The following TMEM94 variants were observed in gnomAD, a reference collection of about 807,000 sequenced individuals.
The protein encoded by TMEM94 is transmembrane protein 94, also known as ER Mg2+ ATPase.
Under a neutral mutation model 158.6 loss-of-function variants are expected in TMEM94, and 81 were observed. The ratio of observed to expected loss-of-function variants is 0.51; its 90% confidence interval spans 0.43 to 0.61. The LOEUF is 0.61. Ranked by LOEUF, TMEM94 falls within the 20% of genes least tolerant of loss-of-function variation. The pLI is 0.00. For synonymous variants in TMEM94, 751 were observed against 730.7 expected (o/e 1.03, Z -0.45); for missense variants, 1,435 against 1,762.0 (o/e 0.81, Z 3.32).
At chr17:75,467,285 T>C (rs2050339232) in intron 1 of TMEM94, among the ~76,000 whole-genome samples, 1 of 151,850 alleles carries the variant, frequency 6.6e-6, no homozygotes, top group Non-Finnish European at 1.5e-5. Context: ...ATGCTGTTTT[T>C]ATACTATTAT....
intron 26 of TMEM94, among the ~76,000 whole-genome samples, 169 bp downstream of exon 26, chr17:75,497,367 T>C (rs886449419): frequency 2.7e-5 from 4 of 145,676 alleles, no homozygotes; most frequent in Non-Finnish European, 4.5e-5. Context: ...TTTTTTTTTT[T>C]TTTTGAGATG....
chr17:75,491,974 C>A lies in TMEM94; in HGVS notation c.1596+74C>A. On this transcript the variant is annotated intron_variant, in intron 14 of 31. Coordinates refer to ENST00000314256, the MANE Select transcript of TMEM94 (RefSeq NM_014738.6). The surrounding 1 kb of genome is among the most constrained non-coding windows in gnomAD (Gnocchi z 5.1). ...GTCCTGGCCTCCCTGGCCAGCCTGG[C>A]CTCACAAGGTCTGAAAGAGCAGGCG... 1 of 1,430,166 alleles carries A rather than the reference C, an allele frequency of 7.0e-7. No individual in the cohort carries two copies. Among genetic ancestry groups the A allele is most frequent in the Non-Finnish European group, 9.6e-7 (1 of 1,039,742 alleles). The allele number at this position is 1,430,166 out of a possible 1,614,324, so 88.6% of individuals were successfully genotyped here.
chr17:75,468,748 T>A (rs2050393749), intron 1 of TMEM94, among the ~76,000 whole-genome samples: 3 of 152,182 alleles, frequency 2.0e-5, no homozygotes, highest in Admixed American at 2.0e-4. Flanking sequence ...GTGGAGTTGG[T>A]GGCAGAACCT....
chr17:75,480,153 C>G (rs186113914), intron 2 of TMEM94, among the ~76,000 whole-genome samples: 2 of 151,870 alleles, frequency 1.3e-5, no homozygotes, highest in Non-Finnish European at 2.9e-5. Context: ...TTAATTTCGA[C>G]CCCCTGCTGG....
chr17:75,490,036 G>A (rs909382465), intron 9 of TMEM94, 198 bp from the exon 10 acceptor site: 33 of 686,016 alleles, frequency 4.8e-5, no homozygotes, highest in African/African-American at 4.8e-4. Flanking sequence ...CCGAGATCAC[G>A]CCACTGCCCT....
At chr17:75,465,679 A>ATTTATTTTTTTTTTTTTTTTTTTTT (rs2050285437) in intron 1 of TMEM94, among the ~76,000 whole-genome samples, 1 of 124,848 alleles carries the variant, frequency 8.0e-6, no homozygotes, top group African/African-American at 3.5e-5. Context: ...ATATATATAT[A>ATTTATTTTTTTTTTTTTTTTTTTTT]TTTTTTTTTA....
chr17:75,464,616 TTTCTTTCC>T (rs1302048192), intron 1 of TMEM94, among the ~76,000 whole-genome samples: 4 of 94,706 alleles, frequency 4.2e-5, no homozygotes, highest in African/African-American at 1.5e-4. Flanking sequence ...CCTTCCTTTC[TTTCTTTCC>T]TTCCTTCCTT....
At chr17:75,480,034 C>T (rs1447026050) in intron 2 of TMEM94, among the ~76,000 whole-genome samples, 7 of 150,874 alleles carry the variant, frequency 4.6e-5, no homozygotes, top group Non-Finnish European at 7.4e-5. Context: ...TGCAGGGAGC[C>T]GAGATTGTGC....
chr17:75,491,445 G>T lies in TMEM94; in HGVS notation c.1376G>T (p.Cys459Phe), dbSNP rs1212116096. The change falls in exon 13 of 32, where the codon TGC (cysteine) becomes TTC (phenylalanine). Residue 459 changes from cysteine (C) to phenylalanine (F), a missense_variant. Around this residue, in one of 3 missense-constraint regions of TMEM94, gnomAD observed 1,051 missense variants for 1,254.4 expected, o/e 0.84. Transcript: ENST00000314256. This position sits in a 1 kb window ranked among gnomAD's most constrained non-coding sequence, Gnocchi z 5.1. ...GATGGCCTATCCACCCGCTCCTTCT[G>T]CCATCCCGAGGTAGAGGAGGAGGTA... ...LTDGLSTRSF[C>F]HPEPHERDAL... 6.2e-7 allele frequency: 1 copy of T among 1,614,118 alleles called. No homozygotes were observed. Among genetic ancestry groups the T allele is most frequent in the Non-Finnish European group, 8.5e-7 (1 of 1,180,020 alleles).
In TMEM94 at chr17:75,490,236, G is replaced by A; in HGVS notation, c.957G>A (p.Val319=). The A allele has an allele frequency of 6.2e-7, 1 of 1,614,044 alleles. No individual in the cohort carries two copies. Among genetic ancestry groups the A allele is most frequent in the South Asian group, 1.1e-5 (1 of 91,086 alleles). Residue 319 remains valine, a splice_region_variant and synonymous_variant, in exon 10 of 32, where the codon GTG becomes GTA. Transcript: ENST00000314256. ...CTGTGTGGTCCGCTCCTTCCCAGGT[G>A]AATGGCGTCCTGCCCATCCTCCCCC... ...SWQYTLLQLQ[V]NGVLPILPLL...
chr17:75,485,560 C>T lies in TMEM94; in HGVS notation c.144+13C>T, dbSNP rs1284976117. ...TCTGACGTGGAAGGTGAAGCTTCTTCTCGGGGCTACCAGGGCCTGGCTGGG... is the reference window on the plus strand; with the variant it reads ...TCTGACGTGGAAGGTGAAGCTTCTTTTCGGGGCTACCAGGGCCTGGCTGGG... On this transcript the variant is annotated intron_variant, in intron 3 of 31. Transcript: ENST00000314256. The surrounding 1 kb of genome is among the most constrained non-coding windows in gnomAD (Gnocchi z 5.5). 4 of 1,613,976 alleles carry T rather than the reference C, an allele frequency of 2.5e-6. No individual in the cohort carries two copies. Among genetic ancestry groups the T allele is most frequent in the South Asian group, 1.1e-5 (1 of 91,082 alleles).
intron 1 of TMEM94, among the ~76,000 whole-genome samples, chr17:75,461,662 G>A (rs1359668916): frequency 2.0e-5 from 3 of 151,744 alleles, no homozygotes; most frequent in Non-Finnish European, 4.4e-5. Flanking sequence ...AGTGGCTCAC[G>A]CCTGTAATCC....
chr17:75,489,310 A>T lies in TMEM94; in HGVS notation c.809A>T (p.Asp270Val). ...CTGTCCCGACCAGTCACTGCCCTGGACAATGAGCGGTTCACAGTGCAGTCG... is the reference window on the plus strand; with the variant it reads ...CTGTCCCGACCAGTCACTGCCCTGGTCAATGAGCGGTTCACAGTGCAGTCG... Reference protein sequence around the residue: ...MALSRPVTALDNERFTVQSVM... With the variant: ...MALSRPVTALVNERFTVQSVM... Residue 270 changes from aspartate to valine, a missense_variant, in exon 8 of 32, where the codon GAC becomes GTC. Transcript: ENST00000314256. This position sits in a 1 kb window ranked among gnomAD's most constrained non-coding sequence, Gnocchi z 5.0. The T allele has an allele frequency of 6.2e-7, 1 of 1,614,226 alleles. No individual in the cohort carries two copies. Among genetic ancestry groups the T allele is most frequent in the Admixed American group, 1.7e-5 (1 of 60,026 alleles).
intron 2 of TMEM94, among the ~76,000 whole-genome samples, chr17:75,482,714 C>T (rs1042574738): frequency 2.0e-5 from 3 of 152,132 alleles, no homozygotes; most frequent in African/African-American, 4.8e-5. Context: ...GACTAAGCTG[C>T]GGAATGCCTC....
chr17:75,461,720 G>A (rs1240289696), intron 1 of TMEM94, among the ~76,000 whole-genome samples: 1 of 151,354 alleles, frequency 6.6e-6, no homozygotes, highest in African/African-American at 2.4e-5. Flanking sequence ...TCAGGAGATC[G>A]AGACCATCCT....
intron 1 of TMEM94, among the ~76,000 whole-genome samples, chr17:75,466,146 T>C (rs748401020): frequency 6.6e-6 from 1 of 152,200 alleles, no homozygotes; most frequent in Non-Finnish European, 1.5e-5. Context: ...TTATCCCAAG[T>C]TATAAAGATT....
chr17:75,465,728 G>A lies in TMEM94; in HGVS notation c.-106-6072G>A, dbSNP rs768941004. ...CAAAACTACTTTTGCTTTTTGAGAC[G>A]TGATTTTGGTATGTTGCTCAGGCTA... is the stretch of plus-strand genomic sequence containing the variant. On this transcript the variant is annotated intron_variant, in intron 1 of 31. Transcript: ENST00000314256. Among the ~76,000 whole-genome samples, 27 of 145,240 alleles carry A rather than the reference G, an allele frequency of 1.9e-4. 1 individual carries two copies. The highest frequency in any genetic ancestry group is 5.8e-4 in the African/African-American group (22 of 37,610).
In TMEM94 at chr17:75,487,068, A is replaced by G. The variant is rs2051687066; in HGVS notation, c.409+642A>G. 6.6e-6 allele frequency among the ~76,000 whole-genome samples: 1 copy of G among 152,144 alleles called. No homozygotes were observed. Among genetic ancestry groups the G allele is most frequent in the Non-Finnish European group, 1.5e-5 (1 of 68,018 alleles). On this transcript the variant is annotated intron_variant, in intron 5 of 31. Coordinates refer to ENST00000314256, the MANE Select transcript of TMEM94 (RefSeq NM_014738.6). This position sits in a 1 kb window ranked among gnomAD's most constrained non-coding sequence, Gnocchi z 4.6. ...CTGGGCAGTGGACGTTTAGATGCTAAGTGAGTTTGTCCTTTCGTTCTGAGA... is the reference window on the plus strand; with the variant it reads ...CTGGGCAGTGGACGTTTAGATGCTAGGTGAGTTTGTCCTTTCGTTCTGAGA...
chr17:75,486,504 C>A, intron 5 of TMEM94, 78 bp downstream of exon 5: 1 of 1,572,612 alleles, frequency 6.4e-7, no homozygotes, highest in South Asian at 1.1e-5. Context: ...CTCCTGCACC[C>A]CAGCACAGAC....
Sources: gnomAD v4.1 joint callset for allele counts (sites outside exome capture counted in the v4.1 genomes callset) on GRCh38, gnomAD v4.1.1 for gene constraint, gnomAD v4.1.1 regional missense constraint, Gnocchi (gnomAD v3.1) non-coding constraint, MANE v1.5 for transcripts, NCBI Gene and HGNC (gene_info 2026-07-23, HGNC 2026-07-21) for gene names.